DLGAP1: variants seen among roughly 807,000 people sequenced by gnomAD.
DLGAP1 encodes DLG associated protein 1, also known as disks large-associated protein 1.
In DLGAP1, 11 loss-of-function variants were observed where a neutral mutation model predicts 90.8. That is an observed-to-expected ratio of 0.12 (90% CI 0.08 to 0.20). DLGAP1 has a LOEUF of 0.20. Among genes scored for constraint, DLGAP1 ranks in the 10% least tolerant of loss-of-function variants. The pLI is 1.00. For synonymous variants in DLGAP1, 558 were observed against 540.7 expected (o/e 1.03, Z -0.44); for missense variants, 1,050 against 1,333.8 (o/e 0.79, Z 3.31).
chr18:4,218,438 C>T (rs931828305), intron 1 of DLGAP1, among the ~76,000 whole-genome samples: 11 of 151,810 alleles, frequency 7.2e-5, no homozygotes, highest in African/African-American at 2.7e-4. Context: ...GAAAATTCAT[C>T]ACCTCATATA....
chr18:3,605,401 C>CT (rs1220210261), intron 7 of DLGAP1, among the ~76,000 whole-genome samples: 1 of 152,196 alleles, frequency 6.6e-6, no homozygotes, highest in Non-Finnish European at 1.5e-5. Flanking sequence ...CCCAACTGAA[C>CT]TTTTAAGTTC....
intron 9 of DLGAP1, among the ~76,000 whole-genome samples, chr18:3,547,017 G>T (rs541194404): frequency 8.6e-5 from 13 of 151,822 alleles, no homozygotes; most frequent in African/African-American, 3.1e-4. Context: ...TATCAGAAAT[G>T]AGAGCCGGGC....
intron 2 of DLGAP1, among the ~76,000 whole-genome samples, chr18:4,051,652 C>T (rs1312627230): frequency 6.6e-6 from 1 of 152,178 alleles, no homozygotes; most frequent in Non-Finnish European, 1.5e-5. Context: ...CCTCCCAAAT[C>T]TCATGTCCTC....
At chr18:4,022,467 G>A (rs893822574) in intron 2 of DLGAP1, among the ~76,000 whole-genome samples, 1 of 151,742 alleles carries the variant, frequency 6.6e-6, no homozygotes, top group Non-Finnish European at 1.5e-5. Flanking sequence ...TGCATTCACT[G>A]TGCTTAATTT....
Position 4,259,182 on chromosome 18 carries a change from C to T in DLGAP1, c.-266-107895G>A, listed in dbSNP as rs531269604. Among the ~76,000 whole-genome samples, 5 of 152,076 alleles carry T rather than the reference C, an allele frequency of 3.3e-5. No individual in the cohort carries two copies. The South Asian group carries it at 8.3e-4, about 25-fold the overall frequency. ...GTAGTTAACAGGTGGGGAACCACTG[C>T]GATAGGTGGTTAGGTCAGATCTAGA... On this transcript the variant is annotated intron_variant, in intron 1 of 12. Transcript: ENST00000315677.
At chr18:4,074,820 T>C (rs762105481) in intron 2 of DLGAP1, among the ~76,000 whole-genome samples, 4 of 152,250 alleles carry the variant, frequency 2.6e-5, no homozygotes, top group Admixed American at 6.5e-5. Context: ...AAAATGTAAA[T>C]GTAAGTTTTC....
intron 7 of DLGAP1, among the ~76,000 whole-genome samples, chr18:3,659,087 T>C (rs2059593668): frequency 6.6e-6 from 1 of 152,194 alleles, no homozygotes; most frequent in Admixed American, 6.5e-5. Flanking sequence ...CAAATTATTC[T>C]GTATAGTAAG....
intron 1 of DLGAP1, among the ~76,000 whole-genome samples, chr18:4,205,141 G>A (rs2077695419): frequency 6.6e-6 from 1 of 152,130 alleles, no homozygotes; most frequent in African/African-American, 2.4e-5. Context: ...TGCCTGAGGA[G>A]GTAATAGGAA....
intron 2 of DLGAP1, among the ~76,000 whole-genome samples, chr18:4,009,868 G>C (rs1050768008): frequency 1.3e-5 from 2 of 152,190 alleles, no homozygotes; most frequent in Non-Finnish European, 2.9e-5. Flanking sequence ...GCTGGATCAT[G>C]TATGGACAGG....
Position 4,161,605 on chromosome 18 carries a change from C to A in DLGAP1, c.-266-10318G>T, listed in dbSNP as rs759031168. Among the ~76,000 whole-genome samples, 3 of 152,032 alleles carry A rather than the reference C, an allele frequency of 2.0e-5. No individual in the cohort carries two copies. The East Asian group carries it at 5.8e-4, about 29-fold the overall frequency. On this transcript the variant is annotated intron_variant, in intron 1 of 12. Coordinates refer to ENST00000315677, the MANE Select transcript of DLGAP1 (RefSeq NM_004746.4). ...TTTTCTATGCCAAAGTATAGAAGAG[C>A]CTTATTTTTTAAAAAATCAGGTTGG...
chr18:4,433,940 G>A lies in DLGAP1; in HGVS notation c.-267+21066C>T, dbSNP rs1320870019. Among the ~76,000 whole-genome samples the A allele has an allele frequency of 5.3e-5, 8 of 152,184 alleles. No individual in the cohort carries two copies. In the East Asian group the frequency reaches 1.6e-3, roughly 30 times the overall value. ...GAAGCTCCTCTGTGGGCTCCTCTGT[G>A]ATTCACATCTGGTCACACACCCTAC... On this transcript the variant is annotated intron_variant, in intron 1 of 12. Coordinates refer to ENST00000315677, the MANE Select transcript of DLGAP1 (RefSeq NM_004746.4).
chr18:3,872,720 A>G (rs796408422), intron 4 of DLGAP1, among the ~76,000 whole-genome samples: 15 of 152,304 alleles, frequency 9.8e-5, no homozygotes, highest in African/African-American at 3.6e-4. Flanking sequence ...CCATGATCTC[A>G]TGTGGGCTAG....
chr18:4,141,674 TCTGA>T lies in DLGAP1; in HGVS notation c.-159+9502_-159+9505del, dbSNP rs572042117. ...CTGCATTCATTTTTCTTTTGTCCTT[TCTGA>T]CTGTCTATTTTCAAATAGCCTGTCC... On this transcript the variant is annotated intron_variant, in intron 2 of 12. Coordinates refer to ENST00000315677, the MANE Select transcript of DLGAP1 (RefSeq NM_004746.4). Among the ~76,000 whole-genome samples the T allele has an allele frequency of 2.8e-4, 42 of 152,076 alleles. 1 individual carries two copies. The East Asian group carries it at 7.4e-3, about 27-fold the overall frequency.
intron 1 of DLGAP1, chr18:4,293,157 T>C (rs961959852): frequency 4.6e-5 from 7 of 152,354 alleles, no homozygotes; most frequent in African/African-American, 1.4e-4. Context: ...CCTTCTCTCA[T>C]AGAGCAAGAA....
rs5822770 is a variant in DLGAP1 at position 3,837,849 on chromosome 18, C to CAAAAAAAAAAAAAA, written c.958-23590_958-23577dup. On this transcript the variant is annotated intron_variant, in intron 4 of 12. Transcript: ENST00000315677. The stretch of plus-strand genomic sequence containing the variant: ...CCTGGGCGACAGAGTGAGATTCTGT[C>CAAAAAAAAAAAAAA]AAAAAAAAAAAAAAAAAAAAAAAAA... 1.5e-4 allele frequency among the ~76,000 whole-genome samples: 4 copies of CAAAAAAAAAAAAAA among 26,820 alleles called. 1 individual carries two copies. Among genetic ancestry groups the CAAAAAAAAAAAAAA allele is most frequent in the Non-Finnish European group, 2.5e-4 (4 of 15,850 alleles). The allele number at this position is 26,820 out of a possible 152,430, so 17.6% of individuals were successfully genotyped here. A position where few individuals can be genotyped will look rare whatever the true frequency, so the allele number is the denominator to read the frequency against.
In DLGAP1 at chr18:4,435,423, A is replaced by G. The variant is rs184630206; in HGVS notation, c.-267+19583T>C. The stretch of plus-strand genomic sequence containing the variant: ...TCTGAGTAATGGAAAGGTATTATGG[A>G]AAGATGAAAAGAAAAGGAAGAGGAG... On this transcript the variant is annotated intron_variant, in intron 1 of 12. Coordinates refer to ENST00000315677, the MANE Select transcript of DLGAP1 (RefSeq NM_004746.4). Among the ~76,000 whole-genome samples, 149 of 152,322 alleles carry G rather than the reference A, an allele frequency of 9.8e-4. 3 individuals carry two copies. In the East Asian group the frequency reaches 0.018, roughly 19 times the overall value.
chr18:4,052,175 C>T (rs1430061252), intron 2 of DLGAP1, among the ~76,000 whole-genome samples: 1 of 152,218 alleles, frequency 6.6e-6, no homozygotes, highest in Non-Finnish European at 1.5e-5. Context: ...CTTCTTCTCA[C>T]AGCTCCACTA....
intron 3 of DLGAP1, among the ~76,000 whole-genome samples, chr18:3,906,454 A>T (rs997107545): frequency 6.6e-6 from 1 of 152,232 alleles, no homozygotes; most frequent in Non-Finnish European, 1.5e-5. Context: ...ATTCCCCCTG[A>T]AAACACAGTC....
chr18:3,722,172 T>A (rs2062005714), intron 7 of DLGAP1: 1 of 152,160 alleles, frequency 6.6e-6, no homozygotes, highest in African/African-American at 2.4e-5. Context: ...ACCCCGAATG[T>A]GGGCAAAGGT....
Sources: allele counts gnomAD v4.1 joint callset (sites outside exome capture counted in the v4.1 genomes callset), GRCh38; gene constraint gnomAD v4.1.1; transcripts MANE v1.5; gene names NCBI Gene and HGNC (gene_info 2026-07-23, HGNC 2026-07-21).